The following TMEM132D variants were observed in gnomAD, a reference collection of about 807,000 sequenced individuals.
TMEM132D encodes the protein transmembrane protein 132D.
In TMEM132D, 21 loss-of-function variants were observed where a neutral mutation model predicts 62.3. The ratio of observed to expected loss-of-function variants is 0.34; its 90% confidence interval spans 0.24 to 0.49. The LOEUF is 0.49. Ranked by LOEUF, TMEM132D falls within the 20% of genes least tolerant of loss-of-function variation. TMEM132D has a pLI of 0.99. For missense variants in TMEM132D, 1,346 were observed against 1,402.8 expected (o/e 0.96, Z 0.65); for synonymous variants, 621 against 575.6 (o/e 1.08, Z -1.13).
intron 3 of TMEM132D, among the ~76,000 whole-genome samples, chr12:129,390,600 T>C (rs1276162519): frequency 6.6e-6 from 1 of 152,186 alleles, no homozygotes; most frequent in Non-Finnish European, 1.5e-5. Flanking sequence ...ATGCTGATTT[T>C]GGATATAGAA....
chr12:129,710,934 G>A (rs116801415), intron 1 of TMEM132D, among the ~76,000 whole-genome samples: 2,367 of 151,816 alleles, frequency 0.016, 72 homozygotes, highest in African/African-American at 0.053. Context: ...CTACCCACGC[G>A]CATTCCCCGG....
chr12:129,227,060 T>C (rs1879498755), intron 4 of TMEM132D, among the ~76,000 whole-genome samples: 1 of 152,110 alleles, frequency 6.6e-6, no homozygotes, highest in South Asian at 2.1e-4. Context: ...TAGGCAGTGC[T>C]ACTGAAATCC....
rs149237362 is a variant in TMEM132D, at chr12:129,260,606, C to A, written c.1300-50943G>T. 2.8e-3 allele frequency among the ~76,000 whole-genome samples: 419 copies of A among 152,256 alleles called. 1 individual carries two copies. Among genetic ancestry groups the A allele is most frequent in the African/African-American group, 9.4e-3 (391 of 41,550 alleles). On this transcript the variant is annotated intron_variant, in intron 4 of 8. Coordinates refer to ENST00000422113, the MANE Select transcript of TMEM132D (RefSeq NM_133448.3). ...AGTGGTGATTTCTGAAACTTTAGTG[C>A]ATTTTCACTGGAGAAGTGCACAGTG...
chr12:129,133,959 G>C (rs1876457776), intron 5 of TMEM132D, among the ~76,000 whole-genome samples: 1 of 152,170 alleles, frequency 6.6e-6, no homozygotes, highest in Non-Finnish European at 1.5e-5. Flanking sequence ...CATGGGGAGG[G>C]AGCCCACCTG....
intron 5 of TMEM132D, among the ~76,000 whole-genome samples, chr12:129,177,065 C>T (rs1050176801): frequency 5.3e-5 from 8 of 152,052 alleles, no homozygotes; most frequent in African/African-American, 9.7e-5. Flanking sequence ...ACTCACAGTG[C>T]TGAAAAGTAA....
At position 129,155,300 on chromosome 12, in the gene TMEM132D, T is replaced by A. The variant is rs1384611621; in HGVS notation, c.1443+54220A>T. On this transcript the variant is annotated intron_variant, in intron 5 of 8. Coordinates refer to ENST00000422113, the MANE Select transcript of TMEM132D (RefSeq NM_133448.3). ...TGTACCCATTTTATGCTACAGGGAG[T>A]ACATGCATCTTGATGGTGATTATGG... Among the ~76,000 whole-genome samples the A allele has an allele frequency of 2.6e-5, 4 of 152,208 alleles. No individual in the cohort carries two copies. In the East Asian group the frequency reaches 7.7e-4, roughly 29 times the overall value.
At chr12:129,207,545 G>A (rs1328627311) in intron 5 of TMEM132D, among the ~76,000 whole-genome samples, 1 of 152,154 alleles carries the variant, frequency 6.6e-6, no homozygotes, top group African/African-American at 2.4e-5. Flanking sequence ...GAGCCGTACA[G>A]GCATCCAGGG....
At chr12:129,290,449 G>A (rs1021683128) in intron 4 of TMEM132D, among the ~76,000 whole-genome samples, 8 of 152,216 alleles carry the variant, frequency 5.3e-5, no homozygotes, top group Non-Finnish European at 8.8e-5. Flanking sequence ...GCAGTAATAA[G>A]CTAGGTCTTT....
At chr12:129,297,597 C>T (rs190825786) in intron 4 of TMEM132D, among the ~76,000 whole-genome samples, 135 of 152,196 alleles carry the variant, frequency 8.9e-4, no homozygotes, top group African/African-American at 2.9e-3. Context: ...TTAAGGTGCT[C>T]GGGAGAGAAT....
chr12:129,249,836 G>C (rs1164626248), intron 4 of TMEM132D, among the ~76,000 whole-genome samples: 1 of 152,184 alleles, frequency 6.6e-6, no homozygotes, highest in East Asian at 1.9e-4. Flanking sequence ...CCCAGTGGAA[G>C]CAGACGGCAC....
At chr12:129,286,396 T>G (rs1243746442) in intron 4 of TMEM132D, among the ~76,000 whole-genome samples, 1 of 152,204 alleles carries the variant, frequency 6.6e-6, no homozygotes, top group Non-Finnish European at 1.5e-5. Flanking sequence ...GCATGGGTAG[T>G]CTACTGGGAT....
Position 129,337,709 on chromosome 12 carries a change from C to G in TMEM132D, c.1224G>C (p.Glu408Asp), listed in dbSNP as rs775335868. 120 of 1,614,128 alleles carry G rather than the reference C, an allele frequency of 7.4e-5. No individual in the cohort carries two copies. Among genetic ancestry groups the G allele is most frequent in the Non-Finnish European group, 9.7e-5 (115 of 1,180,050 alleles). Residue 408 changes from glutamate to aspartate, a missense_variant, in exon 4 of 9, where the codon GAG becomes GAC. Physicochemically the swap from Glu to Asp is conservative, Grantham distance 45 (BLOSUM62 2). Transcript: ENST00000422113. ...LVTWQVEYPG[E>D]ITSDLGVSKI... is the part of the protein sequence containing the mutation. ...TGGACACTCCCAAGTCAGACGTGAT[C>G]TCTCCGGGGTACTCGACCTGCCACG... is the stretch of plus-strand genomic sequence containing the variant.
At chr12:129,730,710 T>C (rs749247631) in intron 1 of TMEM132D, among the ~76,000 whole-genome samples, 4 of 151,964 alleles carry the variant, frequency 2.6e-5, no homozygotes, top group Non-Finnish European at 5.9e-5. Context: ...GTGGGCACCA[T>C]CTAATCAGCT....
chr12:129,510,161 T>A (rs1875456714), intron 3 of TMEM132D, among the ~76,000 whole-genome samples: 1 of 152,180 alleles, frequency 6.6e-6, no homozygotes, highest in African/African-American at 2.4e-5. Flanking sequence ...ATAAAAGTCA[T>A]TTTAACTGTA....
At chr12:129,591,363 A>C (rs759422409) in intron 2 of TMEM132D, among the ~76,000 whole-genome samples, 2 of 152,236 alleles carry the variant, frequency 1.3e-5, no homozygotes, top group Non-Finnish European at 2.9e-5. Context: ...ATCAAACAGC[A>C]ATAATTTCAG....
intron 1 of TMEM132D, among the ~76,000 whole-genome samples, chr12:129,760,828 A>G (rs1041782610): frequency 2.6e-5 from 4 of 151,730 alleles, no homozygotes; most frequent in African/African-American, 4.8e-5. Flanking sequence ...GCAACCCCCA[A>G]CAGGCCCCGT....
At chr12:129,427,412 C>T (rs7305881) in intron 3 of TMEM132D, among the ~76,000 whole-genome samples, 3 of 102,566 alleles carry the variant, frequency 2.9e-5, no homozygotes, top group Non-Finnish European at 6.1e-5. Flanking sequence ...GTTGTGGGGT[C>T]GGGGGAGGGG....
chr12:129,435,190 T>C (rs1430073432), intron 3 of TMEM132D, among the ~76,000 whole-genome samples: 2 of 152,222 alleles, frequency 1.3e-5, no homozygotes, highest in African/African-American at 2.4e-5. Context: ...GTGTATAATA[T>C]AGACCAATGT....
intron 3 of TMEM132D, among the ~76,000 whole-genome samples, chr12:129,356,952 G>T (rs1391194602): frequency 7.3e-6 from 1 of 136,582 alleles, no homozygotes; most frequent in African/African-American, 2.7e-5. Context: ...GAGGGGAGGG[G>T]AGGGGAGGGC....
Sources: allele counts gnomAD v4.1 joint callset (sites outside exome capture counted in the v4.1 genomes callset), GRCh38; gene constraint gnomAD v4.1.1; transcripts MANE v1.5; gene names NCBI Gene and HGNC (gene_info 2026-07-23, HGNC 2026-07-21).